The following VCL variants were observed in gnomAD, a reference collection of about 807,000 sequenced individuals.
The protein encoded by VCL is epididymis luminal protein 114.
In VCL, 47 loss-of-function variants were observed where a neutral mutation model predicts 125.7. The observed-to-expected ratio is 0.37, with a 90% CI of 0.30 to 0.48. The LOEUF is 0.48. Ranked by LOEUF, VCL falls within the 20% of genes least tolerant of loss-of-function variation. The pLI, the probability that VCL is intolerant of heterozygous loss-of-function variation, is 0.99. For synonymous variants in VCL, 458 were observed against 514.6 expected, an observed-to-expected ratio of 0.89 and a Z score of 1.49; for missense variants, 1,069 against 1,455.5, an observed-to-expected ratio of 0.73 and a Z score of 4.32.
chr10:74,077,673 AC>A (rs1839613306), intron 6 of VCL: 1 of 451,894 alleles, frequency 2.2e-6, no homozygotes. Context: ...GTCTTACCAT[AC>A]TTGTTTCATG....
At chr10:74,079,246 C>G (rs148365945) in intron 6 of VCL, among the ~76,000 whole-genome samples, 14 of 152,146 alleles carry the variant, frequency 9.2e-5, no homozygotes, top group Non-Finnish European at 1.9e-4. Context: ...GGGGAGGACC[C>G]AGATAGATTC....
chr10:74,109,271 T>C (rs945273025), intron 18 of VCL, 115 bp downstream of exon 18: 10 of 1,336,918 alleles, frequency 7.5e-6, no homozygotes, highest in Non-Finnish European at 1.0e-5. Flanking sequence ...TCTCCTTTGG[T>C]TCCTGTGTTG....
chr10:74,110,173 C>T (rs768995508), intron 18 of VCL, among the ~76,000 whole-genome samples: 1 of 152,166 alleles, frequency 6.6e-6, no homozygotes. Context: ...ATAATGGTAT[C>T]TCTCCAACTG....
chr10:74,085,747 GTC>G (rs1016719838), intron 8 of VCL, among the ~76,000 whole-genome samples: 1 of 152,106 alleles, frequency 6.6e-6, no homozygotes, highest in Admixed American at 6.5e-5. Context: ...GATACACAGG[GTC>G]TACATACAAA....
intron 1 of VCL, among the ~76,000 whole-genome samples, chr10:74,003,550 G>C (rs2136221856): frequency 6.6e-6 from 1 of 152,324 alleles, no homozygotes; most frequent in African/African-American, 2.4e-5. Flanking sequence ...GCATCTGAGA[G>C]CATGTGTTGT....
intron 7 of VCL, 26 bp from the exon 8 acceptor site, chr10:74,083,340 A>G: frequency 6.2e-7 from 1 of 1,612,772 alleles, no homozygotes; most frequent in Non-Finnish European, 8.5e-7. Context: ...TCAACAATGT[A>G]GTTATTGAAT....
chr10:74,048,583 GTCA>G (rs992210115), intron 2 of VCL, among the ~76,000 whole-genome samples: 2 of 151,690 alleles, frequency 1.3e-5, no homozygotes, highest in Admixed American at 6.6e-5. Context: ...TTTCTTCTTC[GTCA>G]TCATCATCAT....
rs181652360 is a variant in VCL at position 74,021,748 on chromosome 10, G to C, written c.169-21335G>C. Among the ~76,000 whole-genome samples, 3 of 152,282 alleles carry C rather than the reference G, an allele frequency of 2.0e-5. No individual in the cohort carries two copies. In the East Asian group the frequency reaches 5.8e-4, roughly 29 times the overall value. On this transcript the variant is annotated intron_variant, in intron 1 of 21. Transcript: ENST00000211998. Reference sequence around the variant, plus strand: ...CTATAATGATAGCACTAGAGAATGAGAATGCAAAAATCTCCTTTTTTCTCC... The same window carrying C: ...CTATAATGATAGCACTAGAGAATGACAATGCAAAAATCTCCTTTTTTCTCC...
intron 17 of VCL, among the ~76,000 whole-genome samples, chr10:74,108,054 T>G (rs1840164926): frequency 6.6e-6 from 1 of 152,206 alleles, no homozygotes; most frequent in Non-Finnish European, 1.5e-5. Flanking sequence ...TTCCCATATT[T>G]AATGTCAGTA....
intron 1 of VCL, among the ~76,000 whole-genome samples, chr10:74,004,310 T>C (rs530363682): frequency 1.3e-5 from 2 of 152,350 alleles, no homozygotes; most frequent in South Asian, 4.1e-4. Flanking sequence ...TATAATCTCA[T>C]AGCAGTCTAT....
chr10:74,010,792 A>G (rs887310444), intron 1 of VCL, among the ~76,000 whole-genome samples: 3 of 152,210 alleles, frequency 2.0e-5, no homozygotes, highest in African/African-American at 7.2e-5. Flanking sequence ...TAGACAGGAA[A>G]CTGCTGCTTC....
chr10:74,114,167 T>A lies in VCL; in HGVS notation c.2950-17T>A. ...GAGCGTGGGCAGAGCTCACACTGTA[T>A]CTTTGCTTCCCTCTAGGGCAATGAC... On this transcript the variant is annotated splice_polypyrimidine_tract_variant and intron_variant, in intron 19 of 21. Transcript: ENST00000211998. 1 of 1,612,556 alleles carries A rather than the reference T, an allele frequency of 6.2e-7. No homozygotes were observed. Among genetic ancestry groups the A allele is most frequent in the Non-Finnish European group, 8.5e-7 (1 of 1,179,928 alleles).
At chr10:74,072,588 G>A in intron 4 of VCL, 142 bp from the exon 5 acceptor site, 5 of 1,159,446 alleles carry the variant, frequency 4.3e-6, no homozygotes, top group Non-Finnish European at 5.0e-6. Flanking sequence ...ATAAATTAGA[G>A]TTCAGTGATG....
At position 74,111,981 on chromosome 10, in the gene VCL, C is replaced by T; in HGVS notation, c.2818C>T (p.Pro940Ser). Residue 940 changes from proline to serine, a missense_variant, in exon 19 of 22, where the codon CCT becomes TCT. Physicochemically the swap from Pro to Ser is moderately conservative, Grantham distance 74 (BLOSUM62 -1). Coordinates refer to ENST00000211998, the MANE Select transcript of VCL (RefSeq NM_014000.3). ...AGATGCGGCCGATGCTGCTGGCTTC[C>T]CTGTCCCCCCTGACATGGAAGACGA... Reference protein sequence around the residue: ...EADAADAAGFPVPPDMEDDYE... With the variant: ...EADAADAAGFSVPPDMEDDYE... 6.2e-7 allele frequency: 1 copy of T among 1,614,204 alleles called. No homozygotes were observed. Among genetic ancestry groups the T allele is most frequent in the Non-Finnish European group, 8.5e-7 (1 of 1,180,036 alleles).
At chr10:74,056,464 A>G (rs190980461) in intron 2 of VCL, among the ~76,000 whole-genome samples, 35 of 152,228 alleles carry the variant, frequency 2.3e-4, no homozygotes, top group Middle Eastern at 3.4e-3. Context: ...AAGAACAAGA[A>G]GTCCACTTTG....
At chr10:74,034,600 T>C (rs1840940414) in intron 1 of VCL, among the ~76,000 whole-genome samples, 1 of 152,246 alleles carries the variant, frequency 6.6e-6, no homozygotes, top group South Asian at 2.1e-4. Flanking sequence ...TGAGTCTCAC[T>C]TTTGTATCCC....
chr10:74,105,099 A>G lies in VCL; in HGVS notation c.2180A>G (p.Glu727Gly). 6.2e-7 allele frequency: 1 copy of G among 1,614,204 alleles called. No individual in the cohort carries two copies. Among genetic ancestry groups the G allele is most frequent in the East Asian group, 2.2e-5 (1 of 44,880 alleles). ...ACCAAATCTCTGTTGGATGCTTCAG[A>G]AGAAGCAATTAAAAAAGACCTGGAC... ...IDTKSLLDAS[E>G]EAIKKDLDKC... The change falls in exon 16 of 22, where the codon GAA (glutamate) becomes GGA (glycine). Residue 727 changes from glutamate to glycine, a missense_variant. Physicochemically the swap from Glu to Gly is moderately conservative, Grantham distance 98 (BLOSUM62 -2). Transcript: ENST00000211998.
At chr10:74,052,946 AATAT>A (rs71021589) in intron 2 of VCL, among the ~76,000 whole-genome samples, 1,995 of 99,812 alleles carry the variant, frequency 0.02, 41 homozygotes, top group African/African-American at 0.054. Context: ...GAAAAAAAAA[AATAT>A]ATATATATAT....
At chr10:74,034,827 A>T (rs1476616886) in intron 1 of VCL, among the ~76,000 whole-genome samples, 1 of 152,234 alleles carries the variant, frequency 6.6e-6, no homozygotes, top group Non-Finnish European at 1.5e-5. Flanking sequence ...CCCCAGAAAA[A>T]CAATCAAAAG....
Sources: allele counts gnomAD v4.1 joint callset (sites outside exome capture counted in the v4.1 genomes callset), GRCh38; gene constraint gnomAD v4.1.1; transcripts MANE v1.5; gene names NCBI Gene and HGNC (gene_info 2026-07-23, HGNC 2026-07-21).